TMTC2: variants seen among roughly 807,000 people sequenced by gnomAD.
TMTC2 encodes protein O-mannosyl-transferase TMTC2.
A neutral mutation model predicts 82.4 loss-of-function variants in TMTC2; 43 were observed. The ratio of observed to expected loss-of-function variants is 0.52; its 90% CI spans 0.41 to 0.67. The LOEUF (loss-of-function observed/expected upper bound fraction) is 0.67. Among genes scored for constraint, TMTC2 ranks in the 30% least tolerant of loss-of-function variants. The pLI, the probability that TMTC2 is intolerant of heterozygous loss-of-function variation, is 0.00. For missense variants in TMTC2, 919 were observed against 1,012.4 expected, an observed-to-expected ratio of 0.91 and a Z score of 1.25; for synonymous variants, 408 against 381.9, an observed-to-expected ratio of 1.07 and a Z score of -0.80.
At chr12:83,126,785 G>A (rs1885109986) in intron 11 of TMTC2, among the ~76,000 whole-genome samples, 1 of 151,940 alleles carries the variant, frequency 6.6e-6, no homozygotes, top group Admixed American at 6.6e-5. Context: ...TGAAAGGAAT[G>A]AGGTATTTAA....
chr12:82,847,349 A>G (rs576603497), intron 1 of TMTC2, among the ~76,000 whole-genome samples: 1 of 152,294 alleles, frequency 6.6e-6, no homozygotes, highest in South Asian at 2.1e-4. Context: ...CATACTTAAA[A>G]CAATCTAGAA....
chr12:83,101,037 T>G (rs1884199833), intron 11 of TMTC2, among the ~76,000 whole-genome samples: 3 of 152,226 alleles, frequency 2.0e-5, no homozygotes, highest in Non-Finnish European at 4.4e-5. Flanking sequence ...GATCACATTT[T>G]AAATGTCTTC....
At chr12:82,730,578 C>T (rs777282619) in intron 1 of TMTC2, among the ~76,000 whole-genome samples, 1 of 152,158 alleles carries the variant, frequency 6.6e-6, no homozygotes, top group East Asian at 1.9e-4. Context: ...TGAATCCATG[C>T]AGAGATTAGC....
intron 1 of TMTC2, among the ~76,000 whole-genome samples, chr12:82,784,458 C>T (rs924900239): frequency 6.6e-6 from 1 of 152,030 alleles, no homozygotes; most frequent in Non-Finnish European, 1.5e-5. Flanking sequence ...TTACTATGAT[C>T]GCACGGCCTG....
chr12:83,130,435 T>C (rs936110221), intron 11 of TMTC2, among the ~76,000 whole-genome samples: 3 of 152,212 alleles, frequency 2.0e-5, no homozygotes, highest in African/African-American at 7.2e-5. Context: ...AAATTAGAAG[T>C]TGACCATCTG....
intron 1 of TMTC2, among the ~76,000 whole-genome samples, chr12:82,741,826 G>A (rs953088288): frequency 2.6e-5 from 4 of 152,140 alleles, no homozygotes; most frequent in African/African-American, 9.7e-5. Context: ...CTGGGTAGTG[G>A]GGAAGAATGG....
rs1358431404 is a variant in TMTC2 at position 82,761,626 on chromosome 12, T to C, written c.83+73957T>C. On this transcript the variant is annotated intron_variant, in intron 1 of 11. Coordinates refer to ENST00000321196, the MANE Select transcript of TMTC2 (RefSeq NM_152588.3). ...TGAGGTCTTGATCACTCTTACACTT[T>C]GTATCTCCTCCTTATGGTGTCTCTT... Among the ~76,000 whole-genome samples the C allele has an allele frequency of 2.0e-5, 3 of 152,214 alleles. No homozygotes were observed. The East Asian group carries it at 5.8e-4, about 29-fold the overall frequency.
At chr12:83,005,069 T>C (rs1419680025) in intron 8 of TMTC2, among the ~76,000 whole-genome samples, 2 of 151,156 alleles carry the variant, frequency 1.3e-5, no homozygotes, top group Non-Finnish European at 2.9e-5. Context: ...CCAAGTATGG[T>C]GGTGTGCGCC....
At chr12:83,108,776 A>G (rs1884501936) in intron 11 of TMTC2, among the ~76,000 whole-genome samples, 2 of 152,218 alleles carry the variant, frequency 1.3e-5, no homozygotes, top group South Asian at 4.1e-4. Flanking sequence ...AGGTCCCCGA[A>G]CTATAAGTAA....
chr12:82,738,452 G>A (rs1030454185), intron 1 of TMTC2, among the ~76,000 whole-genome samples: 2 of 152,098 alleles, frequency 1.3e-5, no homozygotes, highest in African/African-American at 4.8e-5. Context: ...GAGTGACAGG[G>A]ATATTTACAT....
At chr12:83,015,383 T>C (rs1417323632) in intron 8 of TMTC2, among the ~76,000 whole-genome samples, 1 of 152,192 alleles carries the variant, frequency 6.6e-6, no homozygotes, top group Non-Finnish European at 1.5e-5. Context: ...TCTCTGATGA[T>C]TGGGAGTGTC....
intron 3 of TMTC2, among the ~76,000 whole-genome samples, chr12:82,924,101 T>A: frequency 6.6e-6 from 1 of 152,186 alleles, no homozygotes; most frequent in East Asian, 1.9e-4. Flanking sequence ...GATAATGAAA[T>A]CCTCTGTCAA....
chr12:82,840,345 G>T (rs1455539421), intron 1 of TMTC2, among the ~76,000 whole-genome samples: 1 of 152,212 alleles, frequency 6.6e-6, no homozygotes, highest in Non-Finnish European at 1.5e-5. Context: ...GATTTGGGGA[G>T]TTGCTTCAGA....
chr12:83,103,619 C>T (rs75942381), intron 11 of TMTC2, among the ~76,000 whole-genome samples: 1 of 152,180 alleles, frequency 6.6e-6, no homozygotes, highest in Middle Eastern at 3.2e-3. Context: ...ACAAGCCCCA[C>T]TTCCAACATT....
In TMTC2 at chr12:82,954,808, A is replaced by G. The variant is rs182785846; in HGVS notation, c.1599-10216A>G. Among the ~76,000 whole-genome samples, 18 of 152,362 alleles carry G rather than the reference A, an allele frequency of 1.2e-4. No homozygotes were observed. The East Asian group carries it at 3.5e-3, about 29-fold the overall frequency. On this transcript the variant is annotated intron_variant, in intron 4 of 11. Coordinates refer to ENST00000321196, the MANE Select transcript of TMTC2 (RefSeq NM_152588.3). ...ATAGTTCTATCTAGAGGGCAGTCTT[A>G]CTACAAAGAGACACTGACAATTTGG...
intron 7 of TMTC2, among the ~76,000 whole-genome samples, chr12:82,968,490 T>G (rs767987861): frequency 6.6e-6 from 1 of 152,164 alleles, no homozygotes; most frequent in Non-Finnish European, 1.5e-5. Context: ...CTAGCTTTGG[T>G]TTAACTTATT....
intron 2 of TMTC2, among the ~76,000 whole-genome samples, chr12:82,879,758 T>G (rs542908111): frequency 6.6e-6 from 1 of 152,354 alleles, no homozygotes; most frequent in Admixed American, 6.5e-5. Flanking sequence ...AACATCATGA[T>G]GTTTTAGAAA....
At chr12:83,096,398 A>G (rs918514018) in intron 11 of TMTC2, among the ~76,000 whole-genome samples, 3 of 152,154 alleles carry the variant, frequency 2.0e-5, no homozygotes, top group Non-Finnish European at 4.4e-5. Context: ...GTGGTTTTCT[A>G]TCCATCTTGG....
At chr12:83,055,652 G>C (rs76247157) in intron 10 of TMTC2, among the ~76,000 whole-genome samples, 10,641 of 151,802 alleles carry the variant, frequency 0.07, 432 homozygotes, top group Middle Eastern at 0.099. Context: ...AATATAGAGG[G>C]ACTAAAAACA....
Sources: allele counts gnomAD v4.1 joint callset (sites outside exome capture counted in the v4.1 genomes callset), GRCh38; gene constraint gnomAD v4.1.1; transcripts MANE v1.5; gene names NCBI Gene and HGNC (gene_info 2026-07-23, HGNC 2026-07-21).